Variants in SBF2 observed in about 807,000 individuals in gnomAD.
The protein encoded by SBF2 is SET binding factor 2.
In SBF2, 112 loss-of-function variants were observed where a neutral mutation model predicts 225.2. The observed-to-expected ratio is 0.50, with a 90% CI of 0.43 to 0.58. The LOEUF (loss-of-function observed/expected upper bound fraction) is 0.58, where lower values mean the gene tolerates loss of function less well. Ranked by LOEUF, SBF2 falls within the 20% of genes least tolerant of loss-of-function variation. The probability of loss-of-function intolerance (pLI) is 0.00; values close to 1 mark genes in which losing one functional copy is unlikely to be tolerated. For synonymous variants in SBF2, 763 were observed against 773.3 expected (o/e 0.99, Z 0.22); for missense variants, 1,996 against 2,206.2 (o/e 0.90, Z 1.91).
chr11:9,891,219 A>G (rs1212204833), intron 17 of SBF2, among the ~76,000 whole-genome samples: 1 of 151,754 alleles, frequency 6.6e-6, no homozygotes, highest in African/African-American at 2.4e-5. Flanking sequence ...TTGGGAAGGA[A>G]TAATACAAAA....
intron 2 of SBF2, among the ~76,000 whole-genome samples, chr11:10,097,041 A>C (rs1952051806): frequency 6.6e-6 from 1 of 152,330 alleles, no homozygotes; most frequent in South Asian, 2.1e-4. Flanking sequence ...CATGTGTTAA[A>C]ATTTTATCAA....
rs187664905 is a variant in SBF2, at chr11:9,823,372, G to A, written c.3793+5984C>T. 3.8e-4 allele frequency among the ~76,000 whole-genome samples: 58 copies of A among 152,120 alleles called. 1 individual carries two copies. Among genetic ancestry groups the A allele is most frequent in the African/African-American group, 1.3e-3 (52 of 41,508 alleles). ...TTTTAACCCTGGCTCATCAGACCAG[G>A]AGAGACACACAGTGGAAATAACATA... On this transcript the variant is annotated intron_variant, in intron 28 of 39. Transcript: ENST00000256190.
intron 26 of SBF2, among the ~76,000 whole-genome samples, chr11:9,835,109 C>G (rs1166616265): frequency 6.6e-6 from 1 of 152,216 alleles, no homozygotes; most frequent in African/African-American, 2.4e-5. Flanking sequence ...TAACCCACTA[C>G]TCAGAGCCTT....
At chr11:10,146,975 A>G (rs117412308) in intron 2 of SBF2, among the ~76,000 whole-genome samples, 11,549 of 151,996 alleles carry the variant, frequency 0.076, 626 homozygotes, top group East Asian at 0.28. Flanking sequence ...CAATTTCACT[A>G]ATCATTAGGG....
rs1947562001 is a variant in SBF2 at position 9,994,128 on chromosome 11, G to T, written c.976-130C>A. The T allele has an allele frequency of 5.2e-6, 4 of 769,178 alleles. No homozygotes were observed. In the East Asian group the frequency reaches 1.1e-4, roughly 21 times the overall value. The allele number at this position is 769,178 out of a possible 1,614,324, so 47.6% of individuals were successfully genotyped here. A position where few individuals can be genotyped will look rare whatever the true frequency, so the allele number is the denominator to read the frequency against. ...TCCATGAATACAATTCAATTAGCTG[G>T]GGTAGTTCTATATGTACTATTGTAG... On this transcript the variant is annotated intron_variant, in intron 9 of 39. Coordinates refer to ENST00000256190, the MANE Select transcript of SBF2 (RefSeq NM_030962.4).
intron 16 of SBF2, among the ~76,000 whole-genome samples, chr11:9,928,101 A>C (rs996253476): frequency 2.6e-5 from 4 of 152,210 alleles, no homozygotes; most frequent in Non-Finnish European, 5.9e-5. Flanking sequence ...TGAATAAAAA[A>C]TTGATAAACT....
At chr11:9,915,707 A>G (rs1863026775) in intron 16 of SBF2, 1 of 152,174 alleles carries the variant, frequency 6.6e-6, no homozygotes, top group African/African-American at 2.4e-5. Flanking sequence ...CCAAATAAAT[A>G]AAATGTATAA....
At chr11:10,053,258 C>T (rs1950125315) in intron 2 of SBF2, among the ~76,000 whole-genome samples, 1 of 151,978 alleles carries the variant, frequency 6.6e-6, no homozygotes, top group African/African-American at 2.4e-5. Flanking sequence ...AAGCATAGTA[C>T]TATATAAATA....
At chr11:9,783,984 T>C (rs1852202438) in intron 38 of SBF2, among the ~76,000 whole-genome samples, 2 of 152,214 alleles carry the variant, frequency 1.3e-5, no homozygotes, top group African/African-American at 2.4e-5. Context: ...CATAGGCTTA[T>C]ATGTGCATGT....
chr11:9,972,451 A>C (rs1946507127), intron 13 of SBF2, among the ~76,000 whole-genome samples: 1 of 152,130 alleles, frequency 6.6e-6, no homozygotes, highest in South Asian at 2.1e-4. Flanking sequence ...CATTTTAGTA[A>C]TTATAGTAGT....
intron 6 of SBF2, among the ~76,000 whole-genome samples, chr11:10,024,077 G>C (rs1035062497): frequency 9.2e-5 from 14 of 152,016 alleles, no homozygotes; most frequent in African/African-American, 3.4e-4. Flanking sequence ...ACCGAATCAT[G>C]CCGTATATAA....
chr11:9,950,947 AATATCATT>A (rs1865821789), intron 16 of SBF2, among the ~76,000 whole-genome samples: 1 of 152,240 alleles, frequency 6.6e-6, no homozygotes, highest in South Asian at 2.1e-4. Context: ...GTCAACAGGC[AATATCATT>A]ATATGTGGTT....
At chr11:10,257,664 CAAAAAA>C (rs58743421) in intron 1 of SBF2, among the ~76,000 whole-genome samples, 3 of 39,056 alleles carry the variant, frequency 7.7e-5, no homozygotes, top group African/African-American at 2.8e-4. Flanking sequence ...GGCCTTGCCT[CAAAAAA>C]AAAAAAAAAA....
chr11:9,883,033 C>G (rs1015875233), intron 17 of SBF2, among the ~76,000 whole-genome samples: 2 of 151,936 alleles, frequency 1.3e-5, no homozygotes, highest in Non-Finnish European at 2.9e-5. Context: ...ACTAGGGAAG[C>G]TGAGGTGGGA....
rs566943836 is a variant in SBF2, at chr11:10,272,559, C to A, written c.55+21456G>T. On this transcript the variant is annotated intron_variant, in intron 1 of 39. Coordinates refer to ENST00000256190, the MANE Select transcript of SBF2 (RefSeq NM_030962.4). ...AATCCCAGCACTACCAAAGTGCGAA[C>A]TCACCAGTTCAAGACCAGCCAGGGC... Among the ~76,000 whole-genome samples the A allele has an allele frequency of 1.6e-3, 246 of 152,064 alleles. 1 individual carries two copies. Among genetic ancestry groups the A allele is most frequent in the Non-Finnish European group, 2.9e-3 (198 of 67,968 alleles).
intron 2 of SBF2, among the ~76,000 whole-genome samples, chr11:10,156,749 C>G (rs1196747444): frequency 1.3e-5 from 2 of 152,182 alleles, no homozygotes; most frequent in Non-Finnish European, 2.9e-5. Context: ...CTACAAACCA[C>G]TGCCCAGAGA....
At chr11:10,095,841 G>C (rs11042624) in intron 2 of SBF2, among the ~76,000 whole-genome samples, 2 of 152,036 alleles carry the variant, frequency 1.3e-5, no homozygotes, top group African/African-American at 4.8e-5. Context: ...TTACACAGTT[G>C]AGCAAAATGT....
At chr11:9,811,351 A>G (rs908556812) in intron 30 of SBF2, 1 of 152,270 alleles carries the variant, frequency 6.6e-6, no homozygotes, top group Admixed American at 6.5e-5. Context: ...AAAAGTTAAA[A>G]AAAGAATTTG....
chr11:9,966,428 T>C (rs952812608), intron 14 of SBF2, among the ~76,000 whole-genome samples: 1 of 152,266 alleles, frequency 6.6e-6, no homozygotes, highest in African/African-American at 2.4e-5. Context: ...GTTTACTATC[T>C]GGAATTTTTT....
Sources: allele counts gnomAD v4.1 joint callset (sites outside exome capture counted in the v4.1 genomes callset), GRCh38; gene constraint gnomAD v4.1.1; transcripts MANE v1.5; gene names NCBI Gene and HGNC (gene_info 2026-07-23, HGNC 2026-07-21).